The following RBFOX1 variants were observed in gnomAD, a reference collection of about 807,000 sequenced individuals.
RBFOX1 encodes the protein RNA binding protein fox-1 homolog 1.
Under a neutral mutation model 57.7 loss-of-function variants are expected in RBFOX1, and 8 were observed. The observed-to-expected ratio is 0.14, with a 90% confidence interval of 0.08 to 0.25. The LOEUF (loss-of-function observed/expected upper bound fraction) is 0.25. Among genes scored for constraint, RBFOX1 ranks in the 10% least tolerant of loss-of-function variants. The pLI is 1.00. For synonymous variants in RBFOX1, 326 were observed against 222.4 expected (o/e 1.47, Z -4.15); for missense variants, 611 against 548.5 (o/e 1.11, Z -1.14).
At chr16:6,150,923 C>T (rs1218043998) in intron 1 of RBFOX1, among the ~76,000 whole-genome samples, 2 of 152,138 alleles carry the variant, frequency 1.3e-5, no homozygotes, top group African/African-American at 2.4e-5. Flanking sequence ...TGATTGACAC[C>T]TTGGGCGCCC....
intron 3 of RBFOX1, among the ~76,000 whole-genome samples, chr16:6,873,386 G>A (rs2061289133): frequency 1.3e-5 from 2 of 152,108 alleles, no homozygotes; most frequent in African/African-American, 4.8e-5. Flanking sequence ...TTTGAGTTAT[G>A]TAAGCAGAAT....
chr16:6,542,808 G>T (rs1489968342), intron 2 of RBFOX1, among the ~76,000 whole-genome samples: 2 of 151,976 alleles, frequency 1.3e-5, no homozygotes, highest in Non-Finnish European at 2.9e-5. Flanking sequence ...ACAGTCTTAA[G>T]ACGCTGGCTC....
intron 4 of RBFOX1, among the ~76,000 whole-genome samples, chr16:7,364,594 A>C (rs964861869): frequency 6.6e-6 from 1 of 151,510 alleles, no homozygotes; most frequent in African/African-American, 2.4e-5. Flanking sequence ...AAAAAACAAA[A>C]AAAAAAAACT....
intron 3 of RBFOX1, among the ~76,000 whole-genome samples, chr16:6,977,330 T>C (rs1469812495): frequency 6.6e-6 from 1 of 152,028 alleles, no homozygotes; most frequent in Non-Finnish European, 1.5e-5. Context: ...ATTGATATTA[T>C]GATCTTTGAA....
intron 3 of RBFOX1, among the ~76,000 whole-genome samples, chr16:7,036,322 C>T (rs2044409190): frequency 6.6e-6 from 1 of 151,996 alleles, no homozygotes; most frequent in Admixed American, 6.6e-5. Context: ...GAAGCAGTAG[C>T]CAATTTTTCA....
chr16:7,245,443 T>C (rs2094252745), intron 4 of RBFOX1, among the ~76,000 whole-genome samples: 1 of 121,392 alleles, frequency 8.2e-6, no homozygotes, highest in South Asian at 2.5e-4. Context: ...TAGTTGAATG[T>C]TTGAAACTCA....
chr16:5,794,558 T>C (rs552853310), intron 3 of RBFOX1, among the ~76,000 whole-genome samples: 1 of 152,136 alleles, frequency 6.6e-6, no homozygotes, highest in Non-Finnish European at 1.5e-5. Context: ...GATTTGCTCA[T>C]TGGAGAGGTA....
chr16:5,411,333 G>A (rs1001953054), intron 1 of RBFOX1, among the ~76,000 whole-genome samples: 1 of 152,194 alleles, frequency 6.6e-6, no homozygotes, highest in Non-Finnish European at 1.5e-5. Context: ...GAGAGAAGTA[G>A]CAGAGTCAGA....
chr16:7,604,578 C>G lies in RBFOX1; in HGVS notation c.623-2707C>G, dbSNP rs2095207390. On this transcript the variant is annotated intron_variant, in intron 9 of 15. Transcript: ENST00000550418. Reference sequence around the variant, plus strand: ...ACTTGCAGAAAGATGGGGAAATAAACAGCAGATTATAGGGGGATAGACAGA... The same window carrying G: ...ACTTGCAGAAAGATGGGGAAATAAAGAGCAGATTATAGGGGGATAGACAGA... Among the ~76,000 whole-genome samples, 14 of 152,222 alleles carry G rather than the reference C, an allele frequency of 9.2e-5. 1 individual carries two copies. The South Asian group carries it at 2.9e-3, about 32-fold the overall frequency.
intron 1 of RBFOX1, among the ~76,000 whole-genome samples, chr16:6,151,307 A>G (rs2096795996): frequency 1.3e-5 from 2 of 151,922 alleles, no homozygotes; most frequent in South Asian, 4.2e-4. Context: ...TTTTTTTGAG[A>G]CGGAGTCTCA....
chr16:5,328,252 C>G (rs928095904), intron 1 of RBFOX1, among the ~76,000 whole-genome samples: 1 of 152,120 alleles, frequency 6.6e-6, no homozygotes, highest in African/African-American at 2.4e-5. Flanking sequence ...AAAGGGGCCC[C>G]TAATCCAATC....
intron 3 of RBFOX1, among the ~76,000 whole-genome samples, chr16:5,660,511 G>T (rs894167940): frequency 1.3e-5 from 2 of 152,146 alleles, no homozygotes; most frequent in African/African-American, 2.4e-5. Flanking sequence ...TGTGTGATGC[G>T]TTCTTTTAGG....
intron 14 of RBFOX1, among the ~76,000 whole-genome samples, chr16:7,683,127 A>G (rs574707587): frequency 1.4e-5 from 2 of 145,242 alleles, no homozygotes; most frequent in South Asian, 2.3e-4. Context: ...TCTGCTCTGT[A>G]GACTGTCACT....
intron 1 of RBFOX1, among the ~76,000 whole-genome samples, chr16:6,270,577 A>T (rs1436975166): frequency 6.6e-6 from 1 of 152,176 alleles, no homozygotes; most frequent in Non-Finnish European, 1.5e-5. Flanking sequence ...GAGCTACACA[A>T]TATATGAAGA....
At chr16:6,613,946 A>G (rs377201209) in intron 2 of RBFOX1, among the ~76,000 whole-genome samples, 64 of 152,310 alleles carry the variant, frequency 4.2e-4, no homozygotes, top group African/African-American at 1.5e-3. Context: ...TCCAAAAAGG[A>G]AAAAGAAAAA....
At chr16:5,273,026 G>C (rs2063053422) in intron 1 of RBFOX1, among the ~76,000 whole-genome samples, 1 of 152,120 alleles carries the variant, frequency 6.6e-6, no homozygotes, top group East Asian at 1.9e-4. Flanking sequence ...GCAGTCCTTT[G>C]CTGGTGGCAG....
chr16:5,735,242 G>T (rs1597028440), intron 3 of RBFOX1, among the ~76,000 whole-genome samples: 1 of 152,272 alleles, frequency 6.6e-6, no homozygotes, highest in African/African-American at 2.4e-5. Flanking sequence ...GACCCTCCAT[G>T]GGCACCAAGG....
chr16:6,206,178 T>C (rs951296012), intron 1 of RBFOX1, among the ~76,000 whole-genome samples: 3 of 152,164 alleles, frequency 2.0e-5, no homozygotes, highest in Non-Finnish European at 4.4e-5. Context: ...CTCTCTTGCC[T>C]CTCTCCCCTG....
At chr16:7,065,171 G>T (rs1350003241) in intron 4 of RBFOX1, among the ~76,000 whole-genome samples, 1 of 152,214 alleles carries the variant, frequency 6.6e-6, no homozygotes, top group East Asian at 1.9e-4. Context: ...CAAGCAACTG[G>T]TGTTTGGAAG....
Sources: gnomAD v4.1 joint callset for allele counts (sites outside exome capture counted in the v4.1 genomes callset) on GRCh38, gnomAD v4.1.1 for gene constraint, MANE v1.5 for transcripts, NCBI Gene and HGNC (gene_info 2026-07-23, HGNC 2026-07-21) for gene names.